The following ADARB1 variants were observed in gnomAD, a reference collection of about 807,000 sequenced individuals.
ADARB1 encodes the protein adenosine deaminase RNA specific B1.
A neutral mutation model predicts 52.4 loss-of-function variants in ADARB1; 10 were observed. The observed-to-expected ratio is 0.19, with a 90% CI of 0.12 to 0.32. ADARB1 has a LOEUF of 0.32. ADARB1 is among the 10% of genes least tolerant of loss of function. The pLI is 1.00. For missense variants in ADARB1, 643 were observed against 922.3 expected (o/e 0.70, Z 3.92); for synonymous variants, 349 against 371.1 (o/e 0.94, Z 0.68).
rs181122309 is a variant in ADARB1 at position 45,173,875 on chromosome 21, A to G, written c.29-1855A>G. Among the ~76,000 whole-genome samples, 295 of 152,108 alleles carry G rather than the reference A, an allele frequency of 1.9e-3. 1 individual carries two copies. Among genetic ancestry groups the G allele is most frequent in the African/African-American group, 6.6e-3 (275 of 41,470 alleles). ...TGTGTGTGAGGATTATTTTGGAGAA[A>G]TAATGTCTGTAGAGAAAGTTTTAAA... On this transcript the variant is annotated intron_variant, in intron 3 of 10. Coordinates refer to ENST00000348831, the MANE Select transcript of ADARB1 (RefSeq NM_001112.4).
chr21:45,076,103 C>G (rs937443618), intron 1 of ADARB1, among the ~76,000 whole-genome samples: 3 of 152,162 alleles, frequency 2.0e-5, no homozygotes, highest in African/African-American at 7.2e-5. Flanking sequence ...GATAGAAAAG[C>G]TAATTGTCTT....
chr21:45,184,862 T>C, intron 7 of ADARB1, 61 bp from the exon 8 acceptor site: 1 of 1,496,404 alleles, frequency 6.7e-7, no homozygotes. Context: ...TAGATGTGCT[T>C]TTCAATAAAT....
intron 7 of ADARB1, 49 bp downstream of exon 7, chr21:45,183,559 C>A (rs1186665328): frequency 6.3e-7 from 1 of 1,591,030 alleles, no homozygotes; most frequent in Non-Finnish European, 8.6e-7. Flanking sequence ...AAAATGTTAA[C>A]AGATAAAAAC....
chr21:45,173,331 C>T (rs1456557405), intron 3 of ADARB1, among the ~76,000 whole-genome samples: 1 of 152,130 alleles, frequency 6.6e-6, no homozygotes, highest in Non-Finnish European at 1.5e-5. Context: ...AAAGAGAAGG[C>T]ATCTGTTGAA....
intron 1 of ADARB1, among the ~76,000 whole-genome samples, chr21:45,121,131 C>T (rs1466827395): frequency 3.3e-5 from 5 of 152,124 alleles, no homozygotes; most frequent in Admixed American, 1.3e-4. Context: ...GCTCGTAAAA[C>T]GAGTGGGGGA....
chr21:45,205,745 C>A (rs572688896), intron 9 of ADARB1, among the ~76,000 whole-genome samples: 24 of 152,304 alleles, frequency 1.6e-4, no homozygotes, highest in African/African-American at 5.3e-4. Context: ...TAAAAGGACA[C>A]AGTTAAGGTA....
chr21:45,171,013 G>C (rs1389121367), intron 2 of ADARB1, among the ~76,000 whole-genome samples: 3 of 152,232 alleles, frequency 2.0e-5, no homozygotes, highest in Non-Finnish European at 2.9e-5. Flanking sequence ...AGGTGAGAGA[G>C]AAGTAGCTAA....
intron 1 of ADARB1, among the ~76,000 whole-genome samples, chr21:45,109,223 G>C (rs1012803597): frequency 6.8e-6 from 1 of 147,772 alleles, no homozygotes. Flanking sequence ...GTGTGTGCGC[G>C]CTTGTGTGTA....
At position 45,221,634 on chromosome 21, in the gene ADARB1, C is replaced by T. The variant is rs1569189448; in HGVS notation, c.1927-384C>T. ...AGCTGCCACAAGTCCAAGGTCCACA[C>T]AGAAGGAGTTACTGGCCGCATGAGG... is the stretch of plus-strand genomic sequence containing the variant. On this transcript the variant is annotated intron_variant, in intron 10 of 10. Transcript: ENST00000348831. This position sits in a 1 kb window ranked among gnomAD's most constrained non-coding sequence, Gnocchi z 4.9. 6.6e-6 allele frequency among the ~76,000 whole-genome samples: 1 copy of T among 152,204 alleles called. No individual in the cohort carries two copies. Among genetic ancestry groups the T allele is most frequent in the East Asian group, 1.9e-4 (1 of 5,196 alleles).
chr21:45,203,383 C>T (rs2146340953), intron 8 of ADARB1, among the ~76,000 whole-genome samples: 1 of 152,336 alleles, frequency 6.6e-6, no homozygotes, highest in African/African-American at 2.4e-5. Context: ...GCCCTTTCTC[C>T]CAAATTGATT....
chr21:45,134,071 G>A (rs1198223430), intron 2 of ADARB1, among the ~76,000 whole-genome samples: 2 of 94,266 alleles, frequency 2.1e-5, no homozygotes, highest in Non-Finnish European at 2.2e-5. Flanking sequence ...TGGTGTGTGC[G>A]CCCGCCGGGT....
intron 1 of ADARB1, among the ~76,000 whole-genome samples, chr21:45,114,568 T>A (rs918762199): frequency 6.6e-6 from 1 of 152,196 alleles, no homozygotes; most frequent in Non-Finnish European, 1.5e-5. Flanking sequence ...TTAAAAAATA[T>A]TCAACATCAC....
chr21:45,107,163 T>G (rs1189573087), intron 1 of ADARB1, among the ~76,000 whole-genome samples: 2 of 152,178 alleles, frequency 1.3e-5, no homozygotes, highest in Non-Finnish European at 2.9e-5. Flanking sequence ...GGAATAAATG[T>G]AATGAGAACT....
At chr21:45,081,766 A>G (rs2086160405) in intron 1 of ADARB1, among the ~76,000 whole-genome samples, 1 of 152,202 alleles carries the variant, frequency 6.6e-6, no homozygotes, top group Non-Finnish European at 1.5e-5. Context: ...GAGGGAAAGC[A>G]TGAGCTCATG....
rs772685812 is a variant in ADARB1 at position 45,182,625 on chromosome 21, A to G, written c.1119A>G (p.Thr373=). 1.9e-6 allele frequency: 3 copies of G among 1,604,944 alleles called. No individual in the cohort carries two copies. The highest frequency in any genetic ancestry group is 2.5e-6 in the Non-Finnish European group (3 of 1,177,720). The part of the protein sequence containing the change: ...VKDAKVISVS[T]GTKCINGEYM... Reference sequence around the variant, plus strand: ...ATGCCAAGGTGATAAGTGTTTCTACAGGAACAAAATGTATTAATGGTGAAT... The same window carrying G: ...ATGCCAAGGTGATAAGTGTTTCTACGGGAACAAAATGTATTAATGGTGAAT... The change falls in exon 6 of 11, where the codon ACA becomes ACG. Residue 373 remains threonine (T), a synonymous_variant. Coordinates refer to ENST00000348831, the MANE Select transcript of ADARB1 (RefSeq NM_001112.4).
In ADARB1 at chr21:45,074,695, G is replaced by A. The variant is rs2123574297; in HGVS notation, c.-318G>A. 1.4e-5 allele frequency: 2 copies of A among 146,408 alleles called. No homozygotes were observed. The highest frequency in any genetic ancestry group is 2.0e-4 in the East Asian group (1 of 5,020). 9.1% of individuals were successfully genotyped at this position (146,408 alleles called of 1,614,324 possible). On this transcript the variant is annotated 5_prime_UTR_variant, in exon 1 of 11. Coordinates refer to ENST00000348831, the MANE Select transcript of ADARB1 (RefSeq NM_001112.4). ...GAGGCCACGGCCACGCCGCGCCGCT[G>A]CGCACAACCAACGAGGCAGAGCGCC...
At chr21:45,212,387 A>G (rs968513065) in intron 9 of ADARB1, among the ~76,000 whole-genome samples, 2 of 152,184 alleles carry the variant, frequency 1.3e-5, no homozygotes, top group Non-Finnish European at 2.9e-5. Flanking sequence ...CAGAACATGC[A>G]GGCAGGTGCT....
intron 1 of ADARB1, among the ~76,000 whole-genome samples, chr21:45,091,837 A>T (rs1195516588): frequency 6.6e-6 from 1 of 152,142 alleles, no homozygotes; most frequent in Non-Finnish European, 1.5e-5. Context: ...TAGGCTGCGA[A>T]ATTTGGATGC....
rs1051418249 is a variant in ADARB1 at position 45,222,373 on chromosome 21, C to T, written c.*176C>T. Reference sequence around the variant, plus strand: ...TCTCACATCAGACCTGGGGCAGGTGCGCAGTGTGGGGAGGGGATGGGGTGC... The same window carrying T: ...TCTCACATCAGACCTGGGGCAGGTGTGCAGTGTGGGGAGGGGATGGGGTGC... On this transcript the variant is annotated 3_prime_UTR_variant, in exon 11 of 11. Coordinates refer to ENST00000348831, the MANE Select transcript of ADARB1 (RefSeq NM_001112.4). The T allele has an allele frequency of 5.9e-6, 8 of 1,361,048 alleles. No individual in the cohort carries two copies. Among genetic ancestry groups the T allele is most frequent in the South Asian group, 3.9e-5 (2 of 51,230 alleles). 84.3% of individuals were successfully genotyped at this position (1,361,048 alleles called of 1,614,324 possible).
Sources: allele counts gnomAD v4.1 joint callset (sites outside exome capture counted in the v4.1 genomes callset), GRCh38; gene constraint gnomAD v4.1.1; non-coding constraint Gnocchi (gnomAD v3.1); transcripts MANE v1.5; gene names NCBI Gene and HGNC (gene_info 2026-07-23, HGNC 2026-07-21).